The following DPF3 variants were observed in gnomAD, a reference collection of about 807,000 sequenced individuals.
DPF3 encodes the protein double PHD fingers 3.
In DPF3, 18 loss-of-function variants were observed where a neutral mutation model predicts 56.8. That is an observed-to-expected ratio of 0.32 (90% CI 0.22 to 0.47). The LOEUF is 0.47. Ranked by LOEUF, DPF3 falls within the 20% of genes least tolerant of loss-of-function variation. DPF3 has a pLI of 1.00. For synonymous variants in DPF3, 188 were observed against 180.2 expected (o/e 1.04, Z -0.35); for missense variants, 403 against 488.8 (o/e 0.82, Z 1.65).
intron 1 of DPF3, among the ~76,000 whole-genome samples, chr14:72,825,037 G>A (rs1354697923): frequency 6.6e-6 from 1 of 151,752 alleles, no homozygotes; most frequent in African/African-American, 2.4e-5. Flanking sequence ...ACAGGCGCAT[G>A]CCACCATGCC....
intron 1 of DPF3, among the ~76,000 whole-genome samples, chr14:72,814,630 C>T (rs1477769317): frequency 6.6e-6 from 1 of 152,076 alleles, no homozygotes; most frequent in East Asian, 1.9e-4. Context: ...GCCTGGCCAA[C>T]AAGGTGAAAC....
At chr14:72,674,508 G>T in intron 7 of DPF3, 140 bp from the exon 8 acceptor site, 1 of 1,265,872 alleles carries the variant, frequency 7.9e-7, no homozygotes, top group Non-Finnish European at 1.1e-6. Flanking sequence ...ATTGGGCTAC[G>T]CTTTCTTTTG....
chr14:72,838,898 C>CATATATATATATATATAT lies in DPF3; in HGVS notation c.32+55158_32+55159insATATATATATATATATAT, dbSNP rs1487324297. Among the ~76,000 whole-genome samples the CATATATATATATATATAT allele has an allele frequency of 6.2e-4, 50 of 80,692 alleles. 6 individuals are homozygous for CATATATATATATATATAT. The East Asian group carries it at 0.018, about 29-fold the overall frequency. 52.9% of individuals were successfully genotyped at this position (80,692 alleles called of 152,430 possible). ...GCAAATTATCTATCATATATATTAT[C>CATATATATATATATATAT]ATATATATTCTTTTTTTTTTTTTTT... is the stretch of plus-strand genomic sequence containing the variant. On this transcript the variant is annotated intron_variant, in intron 1 of 10. Coordinates refer to ENST00000556509, the MANE Select transcript of DPF3 (RefSeq NM_001280542.3).
chr14:72,694,601 C>A (rs1032840883), intron 6 of DPF3, among the ~76,000 whole-genome samples: 13 of 152,158 alleles, frequency 8.5e-5, no homozygotes, highest in Non-Finnish European at 1.5e-4. Flanking sequence ...TTTCAGTAGA[C>A]AAACATTGGC....
At chr14:72,688,243 A>G (rs1599358021) in intron 7 of DPF3, among the ~76,000 whole-genome samples, 1 of 83,368 alleles carries the variant, frequency 1.2e-5, no homozygotes, top group Non-Finnish European at 2.3e-5. Context: ...GATGGGATGG[A>G]TGGATGGGTG....
chr14:72,815,622 A>G (rs1298145574), intron 1 of DPF3, among the ~76,000 whole-genome samples: 1 of 152,256 alleles, frequency 6.6e-6, no homozygotes, highest in Admixed American at 6.5e-5. Context: ...CCATGCAGCC[A>G]CACAGTGGAA....
At chr14:72,739,827 C>T (rs1047056014) in intron 3 of DPF3, among the ~76,000 whole-genome samples, 2 of 152,198 alleles carry the variant, frequency 1.3e-5, no homozygotes, top group Non-Finnish European at 2.9e-5. Flanking sequence ...CGACTCTGTT[C>T]TAGGTGCTGG....
At chr14:72,890,815 C>T (rs1886721768) in intron 1 of DPF3, among the ~76,000 whole-genome samples, 1 of 152,270 alleles carries the variant, frequency 6.6e-6, no homozygotes, top group South Asian at 2.1e-4. Flanking sequence ...CCTGCCGTGT[C>T]CCCTTTGTGA....
At chr14:72,859,053 C>G (rs1370074714) in intron 1 of DPF3, among the ~76,000 whole-genome samples, 1 of 152,142 alleles carries the variant, frequency 6.6e-6, no homozygotes, top group African/African-American at 2.4e-5. Context: ...ATTGTTAACT[C>G]AGATAAGATT....
chr14:72,892,248 T>C (rs1463262034), intron 1 of DPF3: 11 of 1,535,408 alleles, frequency 7.2e-6, no homozygotes, highest in African/African-American at 1.4e-5. Context: ...AAATCAGTTG[T>C]GGGTTCGGTA....
intron 6 of DPF3, among the ~76,000 whole-genome samples, chr14:72,707,603 T>C (rs1888459149): frequency 6.6e-6 from 1 of 152,208 alleles, no homozygotes; most frequent in Admixed American, 6.5e-5. Flanking sequence ...CAGAAAGATG[T>C]TCCTGATGTA....
At position 72,731,943 on chromosome 14, in the gene DPF3, C is replaced by T. The variant is rs978884196; in HGVS notation, c.302-9G>A. Reference sequence around the variant, plus strand: ...CAGGGGAAGCTCCACTTCTGAAAAACAAAGATAGAAAGGCAGGTCAGGCCA... The same window carrying T: ...CAGGGGAAGCTCCACTTCTGAAAAATAAAGATAGAAAGGCAGGTCAGGCCA... On this transcript the variant is annotated splice_polypyrimidine_tract_variant and intron_variant, in intron 3 of 10. Transcript: ENST00000556509. The T allele has an allele frequency of 1.0e-5, 16 of 1,572,358 alleles. No individual in the cohort carries two copies. In the Admixed American group the frequency reaches 1.1e-4, roughly 11 times the overall value.
At chr14:72,662,562 A>G (rs747156939) in intron 8 of DPF3, 94 of 985,160 alleles carry the variant, frequency 9.5e-5, no homozygotes, top group Non-Finnish European at 1.1e-4. Flanking sequence ...AGAAAATATA[A>G]TGAAGATTTA....
chr14:72,822,433 T>C (rs947520583), intron 1 of DPF3, among the ~76,000 whole-genome samples: 1 of 152,060 alleles, frequency 6.6e-6, no homozygotes, highest in African/African-American at 2.4e-5. Flanking sequence ...AAAAAATTTT[T>C]AAAGGTGCAG....
intron 5 of DPF3, among the ~76,000 whole-genome samples, chr14:72,715,123 G>C (rs950083936): frequency 6.6e-6 from 1 of 152,202 alleles, no homozygotes; most frequent in Non-Finnish European, 1.5e-5. Flanking sequence ...ACTCAGTAGG[G>C]GTGGGCTTTG....
rs764121344 is a variant in DPF3, at chr14:72,866,558, G to A, written c.32+27499C>T. On this transcript the variant is annotated intron_variant, in intron 1 of 10. Coordinates refer to ENST00000556509, the MANE Select transcript of DPF3 (RefSeq NM_001280542.3). ...GGCAACTCCTTGGAGTTTTCTCATC[G>A]ATAAAAAAGTTAATATGGCTGGGTG... 2.3e-4 allele frequency among the ~76,000 whole-genome samples: 34 copies of A among 150,558 alleles called. 3 individuals carry two copies. Among genetic ancestry groups the A allele is most frequent in the Admixed American group, 3.3e-4 (5 of 15,180 alleles).
chr14:72,678,053 T>C (rs540085847), intron 7 of DPF3, among the ~76,000 whole-genome samples: 1 of 152,374 alleles, frequency 6.6e-6, no homozygotes, highest in African/African-American at 2.4e-5. Flanking sequence ...GCTTTATATA[T>C]GTTATTTCAT....
chr14:72,775,985 CAA>C (rs772302551), intron 1 of DPF3, among the ~76,000 whole-genome samples: 22 of 101,814 alleles, frequency 2.2e-4, no homozygotes, highest in African/African-American at 2.2e-4. Flanking sequence ...GTATTTCTGC[CAA>C]AAAAAAAAAA....
chr14:72,609,727 GC>G lies in DPF3; in HGVS notation c.*9569del, dbSNP rs1489411977. On this transcript the variant is annotated 3_prime_UTR_variant, in exon 11 of 11. Coordinates refer to ENST00000556509, the MANE Select transcript of DPF3 (RefSeq NM_001280542.3). ...ACAGCTAACGGGGTGGGAGGTGGGA[GC>G]TTTTTGTTTGTCTGTTGCTGTCGTT... is the stretch of plus-strand genomic sequence containing the variant. Among the ~76,000 whole-genome samples, 4 of 152,312 alleles carry G rather than the reference GC, an allele frequency of 2.6e-5. No homozygotes were observed. Among genetic ancestry groups the G allele is most frequent in the African/African-American group, 4.8e-5 (2 of 41,568 alleles).
Sources: gnomAD v4.1 joint callset for allele counts (sites outside exome capture counted in the v4.1 genomes callset) on GRCh38, gnomAD v4.1.1 for gene constraint, MANE v1.5 for transcripts, NCBI Gene and HGNC (gene_info 2026-07-23, HGNC 2026-07-21) for gene names.